DLGAP1: variants seen among roughly 807,000 people sequenced by gnomAD.
DLGAP1 encodes the protein DLG associated protein 1, also known as disks large-associated protein 1.
DLGAP1 carries 11 observed loss-of-function variants against 90.8 expected under a neutral mutation model. The observed-to-expected ratio is 0.12, with a 90% CI of 0.08 to 0.20. DLGAP1 has a LOEUF of 0.20. Ranked by LOEUF, DLGAP1 falls within the 10% of genes least tolerant of loss-of-function variation. The pLI is 1.00. For synonymous variants in DLGAP1, 558 were observed against 540.7 expected (o/e 1.03, Z -0.44); for missense variants, 1,050 against 1,333.8 (o/e 0.79, Z 3.31).
chr18:3,694,843 T>C (rs1490836258), intron 7 of DLGAP1, among the ~76,000 whole-genome samples: 1 of 152,126 alleles, frequency 6.6e-6, no homozygotes, highest in Non-Finnish European at 1.5e-5. Context: ...CTGCTCACTC[T>C]GATGAGTTTC....
rs556254046 is a variant in DLGAP1, at chr18:3,928,085, C to T, written c.-72-47945G>A. Among the ~76,000 whole-genome samples, 330 of 152,292 alleles carry T rather than the reference C, an allele frequency of 2.2e-3. 2 individuals are homozygous for T. The highest frequency in any genetic ancestry group is 6.9e-3 in the African/African-American group (286 of 41,566). ...TGTAATTTAGTAGCTCACATTCCTC[C>T]GCTCGCCATCCACACACACTGCTAT... On this transcript the variant is annotated intron_variant, in intron 3 of 12. Transcript: ENST00000315677.
intron 1 of DLGAP1, among the ~76,000 whole-genome samples, chr18:4,161,385 C>G (rs900924636): frequency 1.3e-5 from 2 of 152,106 alleles, no homozygotes; most frequent in Non-Finnish European, 2.9e-5. Flanking sequence ...AGGATAATGC[C>G]TTCCAGCTCT....
At chr18:4,397,647 T>C (rs1229624558) in intron 1 of DLGAP1, among the ~76,000 whole-genome samples, 2 of 152,216 alleles carry the variant, frequency 1.3e-5, no homozygotes, top group Non-Finnish European at 2.9e-5. Flanking sequence ...CACAAGCTAA[T>C]GGAGTAAAAC....
intron 2 of DLGAP1, among the ~76,000 whole-genome samples, chr18:4,123,592 A>G (rs991424408): frequency 1.3e-5 from 2 of 152,210 alleles, no homozygotes; most frequent in Admixed American, 1.3e-4. Flanking sequence ...ACAATTAGAA[A>G]TGCTGATCTA....
intron 2 of DLGAP1, among the ~76,000 whole-genome samples, chr18:4,129,329 C>T (rs1235420404): frequency 6.6e-6 from 1 of 152,110 alleles, no homozygotes; most frequent in Admixed American, 6.6e-5. Flanking sequence ...GTATTACACA[C>T]ACATATAATA....
chr18:3,541,054 C>T (rs542934779), intron 9 of DLGAP1, among the ~76,000 whole-genome samples: 7 of 152,262 alleles, frequency 4.6e-5, no homozygotes, highest in South Asian at 2.1e-4. Context: ...GCTTTACCTC[C>T]GCAACTGGAA....
At chr18:4,089,827 C>G (rs1211267987) in intron 2 of DLGAP1, among the ~76,000 whole-genome samples, 2 of 152,126 alleles carry the variant, frequency 1.3e-5, no homozygotes, top group South Asian at 2.1e-4. Flanking sequence ...GGGCGGATCA[C>G]GAGGTCAGGA....
intron 1 of DLGAP1, among the ~76,000 whole-genome samples, chr18:4,303,829 G>A (rs1421267065): frequency 6.6e-6 from 1 of 152,210 alleles, no homozygotes; most frequent in Non-Finnish European, 1.5e-5. Context: ...AAGGAGAAAT[G>A]CAAATGGCCT....
chr18:3,783,124 C>T (rs2065274639), intron 5 of DLGAP1, among the ~76,000 whole-genome samples: 1 of 152,106 alleles, frequency 6.6e-6, no homozygotes, highest in African/African-American at 2.4e-5. Context: ...CCTTCTAAGA[C>T]AACTACAATA....
At chr18:3,547,773 G>A (rs1277561829) in intron 9 of DLGAP1, among the ~76,000 whole-genome samples, 1 of 152,130 alleles carries the variant, frequency 6.6e-6, no homozygotes, top group East Asian at 1.9e-4. Flanking sequence ...GATGTTCAAA[G>A]ACTTGTACAT....
chr18:4,072,370 C>T (rs1490912516), intron 2 of DLGAP1, among the ~76,000 whole-genome samples: 1 of 151,750 alleles, frequency 6.6e-6, no homozygotes, highest in African/African-American at 2.4e-5. Context: ...ATGTATCAGT[C>T]CTATTAGAAA....
chr18:3,692,216 G>A (rs946136192), intron 7 of DLGAP1, among the ~76,000 whole-genome samples: 13 of 152,270 alleles, frequency 8.5e-5, no homozygotes, highest in Middle Eastern at 6.8e-3. Flanking sequence ...CAAGATCAAA[G>A]GTTAAGTGCC....
intron 2 of DLGAP1, among the ~76,000 whole-genome samples, chr18:4,063,361 A>G (rs761627820): frequency 2.0e-5 from 3 of 152,164 alleles, no homozygotes; most frequent in Non-Finnish European, 2.9e-5. Context: ...TGGCTAAGGC[A>G]ATGAAGCTAG....
intron 3 of DLGAP1, among the ~76,000 whole-genome samples, chr18:4,004,040 A>G (rs1009866964): frequency 6.6e-6 from 1 of 152,198 alleles, no homozygotes; most frequent in African/African-American, 2.4e-5. Flanking sequence ...AGGGCACGTT[A>G]GTAACTGAGG....
chr18:4,139,771 A>G (rs529647902), intron 2 of DLGAP1, among the ~76,000 whole-genome samples: 2 of 151,926 alleles, frequency 1.3e-5, no homozygotes, highest in East Asian at 3.9e-4. Context: ...AATAATATTT[A>G]CTTTATACAT....
chr18:3,568,933 G>A (rs575051889), intron 8 of DLGAP1, among the ~76,000 whole-genome samples: 44 of 151,924 alleles, frequency 2.9e-4, no homozygotes, highest in Admixed American at 8.5e-4. Context: ...TGATCCGCCC[G>A]CCTCGGCCTC....
intron 1 of DLGAP1, among the ~76,000 whole-genome samples, chr18:4,178,198 AATAAACACACACAC>A (rs1281127852): frequency 1.6e-5 from 2 of 126,036 alleles, no homozygotes; most frequent in African/African-American, 3.4e-5. Flanking sequence ...CGGGTCCTGG[AATAAACACACACAC>A]ACACACACAC....
intron 1 of DLGAP1, among the ~76,000 whole-genome samples, chr18:4,422,263 C>T (rs751325062): frequency 4.6e-5 from 7 of 151,162 alleles, no homozygotes; most frequent in Non-Finnish European, 1.0e-4. Flanking sequence ...TGATGTGTAG[C>T]CATTAAATTT....
chr18:4,244,231 G>C (rs573842299), intron 1 of DLGAP1, among the ~76,000 whole-genome samples: 1 of 152,270 alleles, frequency 6.6e-6, no homozygotes, highest in East Asian at 1.9e-4. Context: ...CAAGTCCTAC[G>C]TAGGAGGGGA....
Sources: gnomAD v4.1 joint callset for allele counts (sites outside exome capture counted in the v4.1 genomes callset) on GRCh38, gnomAD v4.1.1 for gene constraint, MANE v1.5 for transcripts, NCBI Gene and HGNC (gene_info 2026-07-23, HGNC 2026-07-21) for gene names.